The following CFAP61 variants were observed in gnomAD, a reference collection of about 807,000 sequenced individuals.
The protein encoded by CFAP61 is cilia- and flagella-associated protein 61.
Under a neutral mutation model 135.6 loss-of-function variants are expected in CFAP61, and 107 were observed. That is an observed-to-expected ratio of 0.79 (90% CI 0.67 to 0.93). The LOEUF (loss-of-function observed/expected upper bound fraction) is 0.93. Among genes scored for constraint, CFAP61 ranks in the 40% least tolerant of loss-of-function variants. The probability of loss-of-function intolerance (pLI) is 0.00; values close to 1 mark genes in which losing one functional copy is unlikely to be tolerated. For missense variants in CFAP61, 1,507 were observed against 1,556.2 expected, an observed-to-expected ratio of 0.97 and a Z score of 0.53; for synonymous variants, 575 against 578.5, an observed-to-expected ratio of 0.99 and a Z score of 0.09.
chr20:20,236,400 TC>T (rs1317489997), intron 18 of CFAP61, among the ~76,000 whole-genome samples: 2 of 152,160 alleles, frequency 1.3e-5, no homozygotes, highest in Non-Finnish European at 2.9e-5. Flanking sequence ...GAAACCTATT[TC>T]CCCCTGTAAT....
At chr20:20,199,093 C>T (rs2056463901) in intron 16 of CFAP61, among the ~76,000 whole-genome samples, 1 of 152,106 alleles carries the variant, frequency 6.6e-6, no homozygotes, top group South Asian at 2.1e-4. Flanking sequence ...TAAAGCATTC[C>T]CCTAAGACAT....
At chr20:20,133,063 T>C (rs1190882124) in intron 8 of CFAP61, among the ~76,000 whole-genome samples, 1 of 152,198 alleles carries the variant, frequency 6.6e-6, no homozygotes, top group African/African-American at 2.4e-5. Flanking sequence ...TCATTTATGG[T>C]ACTATTTATT....
At position 20,062,499 on chromosome 20, in the gene CFAP61, A is replaced by G. The variant is rs546000213; in HGVS notation, c.143+5703A>G. Among the ~76,000 whole-genome samples the G allele has an allele frequency of 3.3e-5, 5 of 152,352 alleles. No individual in the cohort carries two copies. The South Asian group carries it at 1.0e-3, about 32-fold the overall frequency. ...GTCGAATCAACTCAAGGAAAACAGA[A>G]AATAAAGGACAAGAGCGCATATTAA... On this transcript the variant is annotated intron_variant, in intron 2 of 26. Transcript: ENST00000245957.
chr20:20,288,148 C>G (rs1057199612), intron 22 of CFAP61, among the ~76,000 whole-genome samples: 1 of 152,132 alleles, frequency 6.6e-6, no homozygotes, highest in Admixed American at 6.5e-5. Flanking sequence ...GTTTTAAAAG[C>G]TAGCAATGGG....
chr20:20,238,667 TTA>T (rs2049781210), intron 18 of CFAP61, among the ~76,000 whole-genome samples: 1 of 152,242 alleles, frequency 6.6e-6, no homozygotes. Flanking sequence ...ATGAAAAGTT[TTA>T]TGTTTCTTTT....
At chr20:20,196,498 G>T (rs2056297388) in intron 15 of CFAP61, 72 bp from the exon 16 acceptor site, 4 of 1,171,598 alleles carry the variant, frequency 3.4e-6, no homozygotes, top group Non-Finnish European at 5.1e-6. Flanking sequence ...ATTTTTAAAA[G>T]ATATTTATCA....
At chr20:20,122,761 T>TGTTATA (rs1418912263) in intron 8 of CFAP61, among the ~76,000 whole-genome samples, 4 of 152,090 alleles carry the variant, frequency 2.6e-5, no homozygotes, top group African/African-American at 9.7e-5. Flanking sequence ...AATGACTATT[T>TGTTATA]TCCTCTGGGT....
chr20:20,095,299 C>T (rs1034446961), intron 7 of CFAP61, among the ~76,000 whole-genome samples: 2 of 152,162 alleles, frequency 1.3e-5, no homozygotes, highest in East Asian at 1.9e-4. Context: ...CTGGGCTTTT[C>T]CCCCGCAAAT....
rs572736814 is a variant in CFAP61 at position 20,298,754 on chromosome 20, C to G, written c.3422+368C>G. Among the ~76,000 whole-genome samples the G allele has an allele frequency of 3.3e-5, 5 of 152,314 alleles. No individual in the cohort carries two copies. The South Asian group carries it at 1.0e-3, about 32-fold the overall frequency. On this transcript the variant is annotated intron_variant, in intron 25 of 26. Coordinates refer to ENST00000245957, the MANE Select transcript of CFAP61 (RefSeq NM_015585.4). ...GAACAGCATGAGGAAGGGTCTGATCCTGATGGGACTCCGCGATCATGGGAC... is the reference window on the plus strand; with the variant it reads ...GAACAGCATGAGGAAGGGTCTGATCGTGATGGGACTCCGCGATCATGGGAC...
intron 16 of CFAP61, 98 bp from the exon 17 acceptor site, chr20:20,199,670 C>T: frequency 7.3e-7 from 1 of 1,364,424 alleles, no homozygotes; most frequent in African/African-American, 1.5e-5. Flanking sequence ...TCTGACTTGG[C>T]CGAGTTAAGA....
rs150472976 is a variant in CFAP61, at chr20:20,211,029, C to G, written c.1932+11127C>G. On this transcript the variant is annotated intron_variant, in intron 17 of 26. Transcript: ENST00000245957. The stretch of plus-strand genomic sequence containing the variant: ...GATGTGAAAGATCAGGAAAAACAAC[C>G]GAGAACCTAGAGAGGTTTTACATTC... Among the ~76,000 whole-genome samples the G allele has an allele frequency of 3.9e-5, 6 of 152,188 alleles. No individual in the cohort carries two copies. The South Asian group carries it at 8.3e-4, about 21-fold the overall frequency.
intron 9 of CFAP61, among the ~76,000 whole-genome samples, chr20:20,156,677 A>C (rs2052934547): frequency 6.6e-6 from 1 of 152,210 alleles, no homozygotes; most frequent in Admixed American, 6.5e-5. Flanking sequence ...TAATATATAA[A>C]AAATTAATAT....
chr20:20,251,524 C>T, intron 19 of CFAP61, 71 bp from the exon 20 acceptor site: 1 of 1,487,866 alleles, frequency 6.7e-7, no homozygotes, highest in South Asian at 1.2e-5. Flanking sequence ...CTTGAACCAG[C>T]TCACCAGATG....
intron 17 of CFAP61, chr20:20,214,267 T>C (rs944803736): frequency 6.6e-6 from 1 of 152,188 alleles, no homozygotes; most frequent in Non-Finnish European, 1.5e-5. Context: ...TCCCAGTGGA[T>C]TGTGTTCGTT....
At chr20:20,174,965 G>A (rs1475719686) in intron 13 of CFAP61, among the ~76,000 whole-genome samples, 1 of 152,188 alleles carries the variant, frequency 6.6e-6, no homozygotes, top group Non-Finnish European at 1.5e-5. Context: ...TTCTCTTTAA[G>A]TGCCGAGATG....
intron 8 of CFAP61, among the ~76,000 whole-genome samples, chr20:20,122,941 A>G (rs1179997757): frequency 6.6e-6 from 1 of 151,228 alleles, no homozygotes; most frequent in South Asian, 2.1e-4. Flanking sequence ...TTTTTTTAAT[A>G]TATTTTTTTA....
chr20:20,059,018 A>G (rs1242483789), intron 2 of CFAP61, among the ~76,000 whole-genome samples: 1 of 152,152 alleles, frequency 6.6e-6, no homozygotes, highest in African/African-American at 2.4e-5. Context: ...TCTAAAATAA[A>G]AAAGGTAGGT....
chr20:20,337,560 G>A (rs375030190), intron 25 of CFAP61, among the ~76,000 whole-genome samples: 269 of 2,280 alleles, frequency 0.12, 7 homozygotes, highest in Middle Eastern at 0.5. Context: ...ATGGATGGAT[G>A]GATGGATGGA....
intron 8 of CFAP61, among the ~76,000 whole-genome samples, chr20:20,132,893 G>T (rs575373532): frequency 6.6e-6 from 1 of 151,906 alleles, no homozygotes; most frequent in East Asian, 1.9e-4. Flanking sequence ...TATTTTAGAT[G>T]TGTTGCCCAT....
Sources: allele counts gnomAD v4.1 joint callset (sites outside exome capture counted in the v4.1 genomes callset), GRCh38; gene constraint gnomAD v4.1.1; transcripts MANE v1.5; gene names NCBI Gene and HGNC (gene_info 2026-07-23, HGNC 2026-07-21).